Variants in ATP11A observed in about 807,000 individuals in gnomAD.
ATP11A encodes the protein ATPase phospholipid transporting 11A.
A neutral mutation model predicts 154.4 loss-of-function variants in ATP11A; 81 were observed. The ratio of observed to expected loss-of-function variants is 0.52; its 90% CI spans 0.44 to 0.63. The LOEUF (loss-of-function observed/expected upper bound fraction) is 0.63, where lower values mean the gene tolerates loss of function less well. ATP11A is among the 30% of genes least tolerant of loss of function. The pLI is 0.00. For synonymous variants in ATP11A, 623 were observed against 585.9 expected (o/e 1.06, Z -0.91); for missense variants, 1,316 against 1,474.3 (o/e 0.89, Z 1.76).
At chr13:112,877,628 GCCCCA>G (rs2080768907) in intron 28 of ATP11A, among the ~76,000 whole-genome samples, 1 of 152,176 alleles carries the variant, frequency 6.6e-6, no homozygotes, top group Admixed American at 6.5e-5. Context: ...ACGAGTCTCA[GCCCCA>G]CCTGGCCCCT....
In ATP11A at chr13:112,699,252, G is replaced by C. The variant is rs957605616; in HGVS notation, c.39+8797G>C. Among the ~76,000 whole-genome samples, 3 of 152,306 alleles carry C rather than the reference G, an allele frequency of 2.0e-5. No homozygotes were observed. In the East Asian group the frequency reaches 5.8e-4, roughly 29 times the overall value. On this transcript the variant is annotated intron_variant, in intron 1 of 29. Transcript: ENST00000375645. ...TCTCAAGGATAAAGACCACTTAGAT[G>C]AATATATTTTCAAATTCTTACTCTG... is the stretch of plus-strand genomic sequence containing the variant.
In ATP11A at chr13:112,860,338, C is replaced by T; in HGVS notation, c.2779C>T (p.Leu927Phe). The change falls in exon 24 of 30, where the codon CTC becomes TTC. Residue 927 changes from leucine to phenylalanine, a missense_variant. Around this residue, in one of 5 missense-constraint regions of ATP11A, gnomAD observed 294 missense variants for 290.2 expected, o/e 1.01. Coordinates refer to ENST00000375645, the MANE Select transcript of ATP11A (RefSeq NM_015205.3). ...LTLYNISFTS[L>F]PILLYSLMEQ... ...CCTCTACAACATCAGCTTCACCTCC[C>T]TCCCCATCCTCCTGTACAGCCTCAT... is the stretch of plus-strand genomic sequence containing the variant. 1 of 1,614,236 alleles carries T rather than the reference C, an allele frequency of 6.2e-7. No homozygotes were observed. The highest frequency in any genetic ancestry group is 1.1e-5 in the South Asian group (1 of 91,084).
intron 1 of ATP11A, among the ~76,000 whole-genome samples, chr13:112,729,381 G>C (rs1890238333): frequency 6.6e-6 from 1 of 151,190 alleles, no homozygotes; most frequent in Non-Finnish European, 1.5e-5. Context: ...CCTTAGCATT[G>C]CGGGCCCAGA....
intron 1 of ATP11A, among the ~76,000 whole-genome samples, chr13:112,731,399 TTGA>T: frequency 6.6e-6 from 1 of 152,346 alleles, no homozygotes; most frequent in Non-Finnish European, 1.5e-5. Context: ...CAGAACTCCC[TTGA>T]TGACTGCGCC....
At chr13:112,723,039 TAA>T (rs1889377829) in intron 1 of ATP11A, among the ~76,000 whole-genome samples, 1 of 152,052 alleles carries the variant, frequency 6.6e-6, no homozygotes, top group Non-Finnish European at 1.5e-5. Flanking sequence ...ATGTTTAAGA[TAA>T]GGAGGCCCTG....
intron 1 of ATP11A, among the ~76,000 whole-genome samples, chr13:112,733,825 A>G (rs1890726593): frequency 6.6e-6 from 1 of 152,184 alleles, no homozygotes; most frequent in South Asian, 2.1e-4. Context: ...CCTTGCTGAC[A>G]TTGTCCAAGT....
chr13:112,770,082 G>A (rs187876050), intron 1 of ATP11A, among the ~76,000 whole-genome samples: 9 of 152,160 alleles, frequency 5.9e-5, no homozygotes, highest in East Asian at 3.8e-4. Context: ...TTTGGTCACC[G>A]GCTCTTTTCC....
intron 1 of ATP11A, among the ~76,000 whole-genome samples, chr13:112,721,030 C>T (rs1050688434): frequency 6.6e-6 from 1 of 152,086 alleles, no homozygotes; most frequent in African/African-American, 2.4e-5. Context: ...AACCACAGGC[C>T]ACAGTCCGCA....
At chr13:112,851,001 T>C (rs369804924) in intron 17 of ATP11A, 36 bp from the exon 18 acceptor site, 1 of 1,593,410 alleles carries the variant, frequency 6.3e-7, no homozygotes, top group African/African-American at 1.3e-5. Context: ...AAGTGACACC[T>C]TGAATTCGTG....
At chr13:112,820,055 T>C (rs922477694) in intron 8 of ATP11A, 105 bp downstream of exon 8, 16 of 1,167,926 alleles carry the variant, frequency 1.4e-5, no homozygotes, top group Non-Finnish European at 1.6e-5. Flanking sequence ...CTGGTAGATT[T>C]GGAAGGTGGA....
At chr13:112,761,281 A>C (rs530948133) in intron 1 of ATP11A, among the ~76,000 whole-genome samples, 4 of 152,306 alleles carry the variant, frequency 2.6e-5, no homozygotes, top group African/African-American at 9.6e-5. Context: ...CCTTTAAGTG[A>C]AAAGTGAAAG....
At chr13:112,769,313 G>A (rs1300418866) in intron 1 of ATP11A, among the ~76,000 whole-genome samples, 1 of 152,234 alleles carries the variant, frequency 6.6e-6, no homozygotes, top group Non-Finnish European at 1.5e-5. Flanking sequence ...CTGAGGCTCA[G>A]AGGCACAGCA....
chr13:112,837,433 TG>T (rs1325405621), intron 16 of ATP11A, among the ~76,000 whole-genome samples: 1 of 152,236 alleles, frequency 6.6e-6, no homozygotes, highest in Non-Finnish European at 1.5e-5. Flanking sequence ...CTGCAGCCAC[TG>T]GCTGCCTGCA....
At position 112,875,760 on chromosome 13, in the gene ATP11A, C is replaced by T. The variant is rs1271885485; in HGVS notation, c.3162-16C>T. ...AGTACATGCCTCACCAGCGGCTTCT[C>T]TTCCCTGCCCCTCAGGCCGTTCCTC... is the stretch of plus-strand genomic sequence containing the variant. On this transcript the variant is annotated splice_polypyrimidine_tract_variant and intron_variant, in intron 27 of 29. Coordinates refer to ENST00000375645, the MANE Select transcript of ATP11A (RefSeq NM_015205.3). This position sits in a 1 kb window ranked among gnomAD's most constrained non-coding sequence, Gnocchi z 4.1. 1 of 1,610,028 alleles carries T rather than the reference C, an allele frequency of 6.2e-7. No individual in the cohort carries two copies. The highest frequency in any genetic ancestry group is 1.7e-5 in the Admixed American group (1 of 59,956).
intron 1 of ATP11A, among the ~76,000 whole-genome samples, chr13:112,757,229 C>G (rs1175267444): frequency 6.6e-6 from 1 of 152,210 alleles, no homozygotes; most frequent in Non-Finnish European, 1.5e-5. Context: ...TAGAGCTGTG[C>G]TCATGGCAGA....
At chr13:112,756,510 CAG>C (rs929123106) in intron 1 of ATP11A, among the ~76,000 whole-genome samples, 2 of 152,190 alleles carry the variant, frequency 1.3e-5, no homozygotes, top group African/African-American at 2.4e-5. Flanking sequence ...CTCTTGGTAA[CAG>C]GGTCCCTGTC....
intron 29 of ATP11A, among the ~76,000 whole-genome samples, chr13:112,879,079 C>T (rs921316032): frequency 1.3e-5 from 2 of 152,244 alleles, no homozygotes; most frequent in South Asian, 2.1e-4. Flanking sequence ...GGGGCCTGCA[C>T]GCCGTCCTGA....
chr13:112,841,358 G>T, intron 16 of ATP11A, among the ~76,000 whole-genome samples: 1 of 148,012 alleles, frequency 6.8e-6, no homozygotes, highest in South Asian at 2.2e-4. Flanking sequence ...AGGGGGCTCT[G>T]TGTGTCGGGA....
intron 1 of ATP11A, among the ~76,000 whole-genome samples, chr13:112,742,147 G>A (rs1281887969): frequency 1.3e-5 from 2 of 152,086 alleles, no homozygotes; most frequent in African/African-American, 4.8e-5. Flanking sequence ...GAGGCAAACA[G>A]GAACACTCAT....
Sources: gnomAD v4.1 joint callset for allele counts (sites outside exome capture counted in the v4.1 genomes callset) on GRCh38, gnomAD v4.1.1 for gene constraint, gnomAD v4.1.1 regional missense constraint, Gnocchi (gnomAD v3.1) non-coding constraint, MANE v1.5 for transcripts, NCBI Gene and HGNC (gene_info 2026-07-23, HGNC 2026-07-21) for gene names.